TTBK2: variants seen among roughly 807,000 people sequenced by gnomAD.
The protein encoded by TTBK2 is tau tubulin kinase 2.
A neutral mutation model predicts 110.8 loss-of-function variants in TTBK2; 28 were observed. The ratio of observed to expected loss-of-function variants is 0.25; its 90% CI spans 0.19 to 0.35. The LOEUF (loss-of-function observed/expected upper bound fraction) is 0.35, where lower values mean the gene tolerates loss of function less well. Ranked by LOEUF, TTBK2 falls within the 10% of genes least tolerant of loss-of-function variation. TTBK2 has a pLI of 1.00. For synonymous variants in TTBK2, 532 were observed against 527.3 expected, an observed-to-expected ratio of 1.01 and a Z score of -0.12; for missense variants, 1,369 against 1,500.3, an observed-to-expected ratio of 0.91 and a Z score of 1.45.
intron 1 of TTBK2, among the ~76,000 whole-genome samples, chr15:42,911,827 G>A (rs768268953): frequency 6.6e-6 from 1 of 152,154 alleles, no homozygotes; most frequent in Non-Finnish European, 1.5e-5. Flanking sequence ...ACATACAAGT[G>A]CATGGGAAAA....
intron 3 of TTBK2, among the ~76,000 whole-genome samples, chr15:42,868,509 C>A (rs995112796): frequency 6.6e-6 from 1 of 152,056 alleles, no homozygotes; most frequent in Non-Finnish European, 1.5e-5. Context: ...GAACCTAAAA[C>A]TGCTCTTTTT....
At chr15:42,880,298 A>G (rs1894990054) in intron 1 of TTBK2, among the ~76,000 whole-genome samples, 1 of 152,180 alleles carries the variant, frequency 6.6e-6, no homozygotes, top group Non-Finnish European at 1.5e-5. Flanking sequence ...TTACATAATA[A>G]AAGGTCAATC....
intron 11 of TTBK2, among the ~76,000 whole-genome samples, chr15:42,779,939 G>A (rs764935109): frequency 4.0e-5 from 6 of 151,616 alleles, no homozygotes; most frequent in African/African-American, 9.7e-5. Context: ...AGATCGCACC[G>A]CTGCACTCCA....
intron 3 of TTBK2, among the ~76,000 whole-genome samples, chr15:42,846,999 T>G (rs1367215515): frequency 6.6e-6 from 1 of 152,230 alleles, no homozygotes; most frequent in Non-Finnish European, 1.5e-5. Context: ...TTCATCTGTA[T>G]CTTTTGCAAT....
chr15:42,775,069 G>C (rs1237915950), intron 13 of TTBK2, 66 bp downstream of exon 13: 8 of 1,538,914 alleles, frequency 5.2e-6, no homozygotes, highest in South Asian at 1.1e-5. Context: ...TTGATCAACT[G>C]TTAGTCCTTT....
rs1408476574 is a variant in TTBK2, at chr15:42,752,932, T to A, written c.2314A>T (p.Asn772Tyr). 6.2e-7 allele frequency: 1 copy of A among 1,614,190 alleles called. No homozygotes were observed. Among genetic ancestry groups the A allele is most frequent in the South Asian group, 1.1e-5 (1 of 91,072 alleles). Residue 772 changes from asparagine (N) to tyrosine (Y), a missense_variant, in exon 14 of 15, where the codon AAT (asparagine) becomes TAT (tyrosine). Asn to Tyr is a moderately radical substitution (Grantham distance 143). Around this residue, in one of 4 missense-constraint regions of TTBK2, gnomAD observed 1,097 missense variants for 1,114.7 expected, o/e 0.98. Transcript: ENST00000267890. ...TTCTCTTCAGTTTCCCCAGGGAGATTTTCAAATTCTCTCACAACCAGTCTA... is the reference window on the plus strand; with the variant it reads ...TTCTCTTCAGTTTCCCCAGGGAGATATTCAAATTCTCTCACAACCAGTCTA... ...HNRLVVREFENLPGETEEKSI... is the reference protein window; with the variant it reads ...HNRLVVREFEYLPGETEEKSI...
chr15:42,885,684 TAC>T (rs1387084405), intron 1 of TTBK2, among the ~76,000 whole-genome samples: 2 of 152,030 alleles, frequency 1.3e-5, no homozygotes, highest in Non-Finnish European at 2.9e-5. Flanking sequence ...TTGGTGTCTC[TAC>T]CCCTTCTCCA....
intron 6 of TTBK2, among the ~76,000 whole-genome samples, chr15:42,818,195 C>T (rs116992058): frequency 6.6e-6 from 1 of 152,148 alleles, no homozygotes; most frequent in Admixed American, 6.5e-5. Context: ...CCTGCCTCAG[C>T]CTCCCAAGTA....
chr15:42,858,605 A>G (rs1357332345), intron 3 of TTBK2, among the ~76,000 whole-genome samples: 1 of 152,226 alleles, frequency 6.6e-6, no homozygotes, highest in Non-Finnish European at 1.5e-5. Context: ...CCATTCTATC[A>G]ACAAGTACAA....
In TTBK2 at chr15:42,817,065, A is replaced by G. The variant is rs933200482; in HGVS notation, c.570T>C (p.Val190=). The stretch of plus-strand genomic sequence containing the variant: ...GATGTGCGTTGATTGATGCATAACG[A>G]ACTGTCCCTCGAAAACCTGCCACAG... ...PRAVAGFRGT[V]RYASINAHRN... is the part of the protein sequence containing the mutation. The change falls in exon 7 of 15, where the codon GTT becomes GTC. Residue 190 remains valine, a synonymous_variant. Coordinates refer to ENST00000267890, the MANE Select transcript of TTBK2 (RefSeq NM_173500.4). 1.9e-6 allele frequency: 3 copies of G among 1,608,444 alleles called. No individual in the cohort carries two copies. The African/African-American group carries it at 4.0e-5, about 22-fold the overall frequency.
intron 10 of TTBK2, among the ~76,000 whole-genome samples, chr15:42,793,705 G>A (rs998149032): frequency 9.2e-5 from 14 of 151,948 alleles, no homozygotes; most frequent in East Asian, 5.8e-4. Flanking sequence ...AAAATTAGCC[G>A]GGCGTGGTGG....
intron 1 of TTBK2, among the ~76,000 whole-genome samples, chr15:42,882,803 T>C (rs1346379014): frequency 6.6e-6 from 1 of 152,132 alleles, no homozygotes; most frequent in African/African-American, 2.4e-5. Flanking sequence ...GAAAATATCC[T>C]TCAGAGATAA....
At chr15:42,878,064 T>A (rs1050564287) in intron 2 of TTBK2, among the ~76,000 whole-genome samples, 1 of 150,892 alleles carries the variant, frequency 6.6e-6, no homozygotes, top group African/African-American at 2.4e-5. Flanking sequence ...CCTTTTTTTT[T>A]CCCGGGTTCA....
At chr15:42,824,168 G>A (rs766421513) in intron 6 of TTBK2, among the ~76,000 whole-genome samples, 2 of 152,022 alleles carry the variant, frequency 1.3e-5, no homozygotes, top group African/African-American at 2.4e-5. Flanking sequence ...TCCATCCCAC[G>A]ACCCAAACCC....
At chr15:42,749,252 G>T (rs184466483) in intron 14 of TTBK2, among the ~76,000 whole-genome samples, 84 of 152,344 alleles carry the variant, frequency 5.5e-4, no homozygotes, top group African/African-American at 2.0e-3. Flanking sequence ...GATCAGAGAA[G>T]ATTCTGGGAA....
In TTBK2 at chr15:42,816,104, ATATATATATATATATG is replaced by A. The variant is rs1892011566; in HGVS notation, c.603+912_603+927del. 1.6e-5 allele frequency among the ~76,000 whole-genome samples: 2 copies of A among 123,582 alleles called. 1 individual carries two copies. The highest frequency in any genetic ancestry group is 6.5e-5 in the African/African-American group (2 of 30,836). 81.1% of individuals were successfully genotyped at this position (123,582 alleles called of 152,430 possible). On this transcript the variant is annotated intron_variant, in intron 7 of 14. Coordinates refer to ENST00000267890, the MANE Select transcript of TTBK2 (RefSeq NM_173500.4). ...TAAATAAATATATATATATATATAT[ATATATATATATATATG>A]TGTATATTTTTTTTGAGACAGAGTC...
chr15:42,801,804 A>G (rs1567032487), intron 9 of TTBK2: 5 of 830,810 alleles, frequency 6.0e-6, no homozygotes, highest in Non-Finnish European at 1.0e-5. Context: ...TGTTCATGTA[A>G]GCTTCATCTA....
chr15:42,802,428 C>G, intron 9 of TTBK2: 1 of 720,592 alleles, frequency 1.4e-6, no homozygotes, highest in Non-Finnish European at 2.6e-6. Flanking sequence ...GCGGGCCGAA[C>G]CAGACGGAAT....
chr15:42,865,742 G>A (rs1894349773), intron 3 of TTBK2, among the ~76,000 whole-genome samples: 1 of 152,126 alleles, frequency 6.6e-6, no homozygotes, highest in African/African-American at 2.4e-5. Flanking sequence ...AGGATCACTT[G>A]AGCCCAGGAG....
Sources: allele counts gnomAD v4.1 joint callset (sites outside exome capture counted in the v4.1 genomes callset), GRCh38; gene constraint gnomAD v4.1.1; regional missense constraint gnomAD v4.1.1; transcripts MANE v1.5; gene names NCBI Gene and HGNC (gene_info 2026-07-23, HGNC 2026-07-21).